RANBP2: variants seen among roughly 807,000 people sequenced by gnomAD.
RANBP2 encodes the protein RAN binding protein 2.
Under a neutral mutation model 303.6 loss-of-function variants are expected in RANBP2, and 57 were observed. That is an observed-to-expected ratio of 0.19 (90% CI 0.15 to 0.23). The LOEUF (loss-of-function observed/expected upper bound fraction) is 0.23. Among genes scored for constraint, RANBP2 ranks in the 10% least tolerant of loss-of-function variants. RANBP2 has a pLI of 1.00. For synonymous variants in RANBP2, 1,167 were observed against 1,301.5 expected (o/e 0.90, Z 2.23); for missense variants, 3,138 against 3,780.8 (o/e 0.83, Z 4.46).
At chr2:109,493,364 G>T in the RANBP2 span, among the ~76,000 whole-genome samples, 1 of 145,124 alleles carries the variant, frequency 6.9e-6, no homozygotes, top group South Asian at 2.2e-4. Context: ...ACAGACACAT[G>T]CCACACACTG....
chr2:109,001,511 GA>G, the RANBP2 span, among the ~76,000 whole-genome samples: 1 of 152,212 alleles, frequency 6.6e-6, no homozygotes, highest in Admixed American at 6.5e-5. Context: ...CAAGAAGGGA[GA>G]GGGGGACCCT....
At chr2:109,678,047 C>T in the RANBP2 span, among the ~76,000 whole-genome samples, 4 of 152,168 alleles carry the variant, frequency 2.6e-5, no homozygotes, top group Admixed American at 6.5e-5. Context: ...CGCACCCCAC[C>T]GCCTGTTGCT....
chr2:109,419,571 G>C, the RANBP2 span: 2 of 1,598,854 alleles, frequency 1.3e-6, no homozygotes, highest in Non-Finnish European at 8.5e-7. Context: ...CTACCCCCAC[G>C]GCTGTCCCAC....
At position 108,722,523 on chromosome 2, in the gene RANBP2, C is replaced by T. The variant is rs7575995; in HGVS notation, c.72+2845C>T. The stretch of plus-strand genomic sequence containing the variant: ...GAACTGCCCATGCTTTCTAGAATGT[C>T]GGAGTTTTGGAGTGTGATGATGCGT... On this transcript the variant is annotated intron_variant, in intron 1 of 28. Coordinates refer to ENST00000283195, the MANE Select transcript of RANBP2 (RefSeq NM_006267.5). 3.1e-3 allele frequency among the ~76,000 whole-genome samples: 476 copies of T among 151,524 alleles called. 2 individuals are homozygous for T. Among genetic ancestry groups the T allele is most frequent in the African/African-American group, 0.011 (434 of 41,018 alleles).
At chr2:109,481,011 C>T in the RANBP2 span, among the ~76,000 whole-genome samples, 1 of 152,202 alleles carries the variant, frequency 6.6e-6, no homozygotes, top group East Asian at 1.9e-4. Context: ...CAAGCTGTGT[C>T]ATTGCTTCAG....
chr2:109,097,552 T>C, the RANBP2 span, among the ~76,000 whole-genome samples: 2 of 152,172 alleles, frequency 1.3e-5, no homozygotes, highest in African/African-American at 4.8e-5. Flanking sequence ...ATTTATTTTG[T>C]GTATAGTGTG....
the RANBP2 span, among the ~76,000 whole-genome samples, chr2:108,864,008 G>T: frequency 6.6e-6 from 1 of 152,114 alleles, no homozygotes; most frequent in Non-Finnish European, 1.5e-5. Flanking sequence ...CAGAATCTCT[G>T]TTTCTAAGAT....
the RANBP2 span, chr2:109,594,925 T>C: frequency 1.3e-5 from 2 of 152,008 alleles, no homozygotes; most frequent in Non-Finnish European, 2.9e-5. Context: ...TCTCACTCCG[T>C]CACCCAGGCT....
chr2:109,145,351 G>A, the RANBP2 span, among the ~76,000 whole-genome samples: 2 of 152,154 alleles, frequency 1.3e-5, no homozygotes, highest in African/African-American at 2.4e-5. Flanking sequence ...GCAGTCCCAT[G>A]GCCCTGCTCA....
chr2:109,429,908 G>A, the RANBP2 span, among the ~76,000 whole-genome samples: 43 of 152,084 alleles, frequency 2.8e-4, 1 homozygote, highest in Non-Finnish European at 5.6e-4. Context: ...GGAGGGAGAA[G>A]TGGCCCAGCC....
the RANBP2 span, among the ~76,000 whole-genome samples, chr2:109,681,715 G>A: frequency 1.3e-5 from 2 of 152,218 alleles, no homozygotes; most frequent in African/African-American, 2.4e-5. Flanking sequence ...TCATCTGTGG[G>A]GTCCTGGCAT....
chr2:109,557,670 T>C, the RANBP2 span, among the ~76,000 whole-genome samples: 6 of 152,196 alleles, frequency 3.9e-5, no homozygotes, highest in African/African-American at 1.4e-4. Context: ...AAGAAACTTG[T>C]ACTATTTTTC....
chr2:108,907,874 T>C, the RANBP2 span: 1 of 1,613,580 alleles, frequency 6.2e-7, no homozygotes, highest in Non-Finnish European at 8.5e-7. Flanking sequence ...GCTGACTTGT[T>C]GCTGGTGGCA....
chr2:109,040,152 C>T, the RANBP2 span, among the ~76,000 whole-genome samples: 32 of 152,226 alleles, frequency 2.1e-4, no homozygotes, highest in Admixed American at 1.1e-3. Flanking sequence ...GTGGGGGTCA[C>T]GTTTCACCTC....
At chr2:109,633,348 G>A in the RANBP2 span, among the ~76,000 whole-genome samples, 15 of 151,970 alleles carry the variant, frequency 9.9e-5, no homozygotes, top group Admixed American at 2.0e-4. Flanking sequence ...AGCTGAGATC[G>A]TGCTACTGCC....
At chr2:109,614,256 G>C in the RANBP2 span, 1 of 729,272 alleles carries the variant, frequency 1.4e-6, no homozygotes, top group Non-Finnish European at 1.8e-6. Flanking sequence ...CGAGACAGCG[G>C]GGAGCGGAAG....
chr2:108,942,708 C>G, the RANBP2 span, among the ~76,000 whole-genome samples: 1 of 152,256 alleles, frequency 6.6e-6, no homozygotes, highest in Non-Finnish European at 1.5e-5. Context: ...CCCGCCTCTC[C>G]TTTTACCACG....
chr2:109,160,165 A>G, the RANBP2 span, among the ~76,000 whole-genome samples: 2 of 152,246 alleles, frequency 1.3e-5, no homozygotes, highest in East Asian at 3.9e-4. Context: ...GCCAGGTGTC[A>G]CCAGGAAGTC....
the RANBP2 span, among the ~76,000 whole-genome samples, chr2:109,376,298 G>A: frequency 2.0e-5 from 3 of 152,210 alleles, no homozygotes; most frequent in African/African-American, 7.2e-5. Flanking sequence ...CAGGTCCAGG[G>A]TGTGGACGCT....
Sources: gnomAD v4.1 joint callset for allele counts (sites outside exome capture counted in the v4.1 genomes callset) on GRCh38, gnomAD v4.1.1 for gene constraint, MANE v1.5 for transcripts, NCBI Gene and HGNC (gene_info 2026-07-23, HGNC 2026-07-21) for gene names.